Variants in WDFY4 observed in about 807,000 individuals in gnomAD.
The protein encoded by WDFY4 is WD repeat- and FYVE domain-containing protein 4.
A neutral mutation model predicts 351.9 loss-of-function variants in WDFY4; 169 were observed. That is an observed-to-expected ratio of 0.48 (90% confidence interval 0.42 to 0.55). The LOEUF (loss-of-function observed/expected upper bound fraction) is 0.55. WDFY4 is among the 20% of genes least tolerant of loss of function. The pLI is 0.00. For missense variants in WDFY4, 3,803 were observed against 3,935.6 expected (o/e 0.97, Z 0.90); for synonymous variants, 1,622 against 1,574.6 (o/e 1.03, Z -0.71).
chr10:48,847,102 G>A (rs1027824303), intron 39 of WDFY4, among the ~76,000 whole-genome samples: 1 of 152,108 alleles, frequency 6.6e-6, no homozygotes, highest in Admixed American at 6.6e-5. Context: ...TTATTGTCTC[G>A]CAGTCCCGGA....
chr10:48,801,836 T>G (rs1319890070), intron 24 of WDFY4, among the ~76,000 whole-genome samples: 3 of 152,198 alleles, frequency 2.0e-5, no homozygotes, highest in African/African-American at 7.2e-5. Flanking sequence ...GGGGTTCTTT[T>G]GCATTTCCTC....
intron 40 of WDFY4, among the ~76,000 whole-genome samples, chr10:48,867,769 G>T (rs2069604304): frequency 6.6e-6 from 1 of 152,188 alleles, no homozygotes; most frequent in South Asian, 2.1e-4. Flanking sequence ...GAATAGCTAA[G>T]AAGTTTATTT....
Position 48,875,130 on chromosome 10 carries a change from T to G in WDFY4, c.6990T>G (p.Ala2330=). The G allele has an allele frequency of 6.7e-7, 1 of 1,486,176 alleles. No individual in the cohort carries two copies. The highest frequency in any genetic ancestry group is 9.0e-7 in the Non-Finnish European group (1 of 1,115,268). 92.1% of individuals were successfully genotyped at this position (1,486,176 alleles called of 1,614,324 possible). A position where few individuals can be genotyped will look rare whatever the true frequency, so the allele number is the denominator to read the frequency against. The stretch of plus-strand genomic sequence containing the variant: ...ATGATCATATTTCTCAAACAAATGC[T>G]GAAAACCAAGGTATTCAGTTTATCT... ...DKNDHISQTN[A]ENQDELTLRE... is the part of the protein sequence containing the mutation. Residue 2330 remains alanine (A), a synonymous_variant, in exon 42 of 62, where the codon GCT becomes GCG. Coordinates refer to ENST00000325239, the MANE Select transcript of WDFY4 (RefSeq NM_001394531.1).
At chr10:48,686,455 T>A (rs1231288062) in intron 1 of WDFY4, among the ~76,000 whole-genome samples, 2 of 152,210 alleles carry the variant, frequency 1.3e-5, no homozygotes, top group East Asian at 3.8e-4. Flanking sequence ...GAGGTCCTCT[T>A]CATGCCCATC....
At chr10:48,787,871 C>CCTCT (rs1565198025) in intron 20 of WDFY4, among the ~76,000 whole-genome samples, 3 of 105,458 alleles carry the variant, frequency 2.8e-5, no homozygotes, top group Admixed American at 9.1e-5. Flanking sequence ...CTTCTTCTTT[C>CCTCT]TTCTTTCTTT....
Position 48,777,435 on chromosome 10 carries a change from A to C in WDFY4, c.3115A>C (p.Thr1039Pro), listed in dbSNP as rs2066070334. ...TATTTCCAGCTGTTTGTTTATTCCA[A>C]CCCTGTCCACAGTTATGGGAACCAG... Reference protein sequence around the residue: ...VEGYGCLFIPTLSTVMGTSTE... With the variant: ...VEGYGCLFIPPLSTVMGTSTE... Residue 1039 changes from threonine to proline, a missense_variant, in exon 17 of 62, where the codon ACC becomes CCC. By Grantham distance (38) the Thr-to-Pro change is conservative (BLOSUM62 -1). Coordinates refer to ENST00000325239, the MANE Select transcript of WDFY4 (RefSeq NM_001394531.1). The C allele has an allele frequency of 2.6e-6, 4 of 1,551,544 alleles. No homozygotes were observed. Among genetic ancestry groups the C allele is most frequent in the Admixed American group, 2.0e-5 (1 of 50,986 alleles).
At chr10:48,901,716 T>TCCTG (rs1362615417) in intron 46 of WDFY4, 85 bp from the exon 47 acceptor site, 2 of 1,436,046 alleles carry the variant, frequency 1.4e-6, no homozygotes. Flanking sequence ...GAGCCTAGCT[T>TCCTG]CCTGCCTGAC....
At chr10:48,727,305 T>G (rs964977122) in intron 6 of WDFY4, among the ~76,000 whole-genome samples, 165 bp from the exon 7 acceptor site, 1 of 152,220 alleles carries the variant, frequency 6.6e-6, no homozygotes, top group Admixed American at 6.5e-5. Context: ...GGATGGCACT[T>G]TCTCTGGGGT....
At position 48,725,419 on chromosome 10, in the gene WDFY4, A is replaced by G. The variant is rs527891637; in HGVS notation, c.592-462A>G. Reference sequence around the variant, plus strand: ...AAGTCCCTCTGTTAGCCATCAGGAAAGGGGATTGGCGGGAACAAGGAACCC... The same window carrying G: ...AAGTCCCTCTGTTAGCCATCAGGAAGGGGGATTGGCGGGAACAAGGAACCC... On this transcript the variant is annotated intron_variant, in intron 5 of 61. Transcript: ENST00000325239. Among the ~76,000 whole-genome samples the G allele has an allele frequency of 2.6e-5, 4 of 152,328 alleles. No homozygotes were observed. In the East Asian group the frequency reaches 7.7e-4, roughly 29 times the overall value.
chr10:48,750,637 T>C (rs559062349), intron 12 of WDFY4, among the ~76,000 whole-genome samples: 1 of 152,370 alleles, frequency 6.6e-6, no homozygotes, highest in South Asian at 2.1e-4. Context: ...TGATTAATTG[T>C]GTAATCTTCC....
intron 39 of WDFY4, among the ~76,000 whole-genome samples, chr10:48,863,253 A>G (rs560986076): frequency 6.6e-6 from 1 of 152,344 alleles, no homozygotes; most frequent in South Asian, 2.1e-4. Flanking sequence ...TTATTTAATC[A>G]TTTGAATAAC....
At chr10:48,755,262 C>A (rs1045558493) in intron 12 of WDFY4, among the ~76,000 whole-genome samples, 1 of 152,148 alleles carries the variant, frequency 6.6e-6, no homozygotes, top group African/African-American at 2.4e-5. Context: ...TCATACATTT[C>A]TGTTGCTGAG....
chr10:48,914,234 T>C (rs1838290450), intron 47 of WDFY4: 1 of 1,458,714 alleles, frequency 6.9e-7, no homozygotes, highest in Non-Finnish European at 9.2e-7. Flanking sequence ...CATGAAAAAC[T>C]GCTGAAAGAT....
chr10:48,719,725 G>C (rs531326068), intron 2 of WDFY4, among the ~76,000 whole-genome samples: 1 of 152,170 alleles, frequency 6.6e-6, no homozygotes, highest in South Asian at 2.1e-4. Flanking sequence ...ATCCACCGAC[G>C]CCAGATGCAG....
At chr10:48,949,300 C>A (rs905761214) in intron 51 of WDFY4, among the ~76,000 whole-genome samples, 1 of 152,172 alleles carries the variant, frequency 6.6e-6, no homozygotes, top group Non-Finnish European at 1.5e-5. Flanking sequence ...AGCCTTTGAA[C>A]CAGCAAAAGA....
chr10:48,746,020 TCGCAGCGCA>T (rs1178541568), intron 12 of WDFY4: 1 of 170,876 alleles, frequency 5.9e-6, no homozygotes, highest in Non-Finnish European at 1.3e-5. Flanking sequence ...GTTGACACTC[TCGCAGCGCA>T]CCACCACCTT....
At chr10:48,710,259 C>T (rs564996053) in intron 2 of WDFY4, among the ~76,000 whole-genome samples, 1 of 152,320 alleles carries the variant, frequency 6.6e-6, no homozygotes, top group African/African-American at 2.4e-5. Context: ...GCCTTCTTGC[C>T]ATGGCCTTAT....
intron 47 of WDFY4, among the ~76,000 whole-genome samples, chr10:48,907,590 C>T (rs1837683204): frequency 6.6e-6 from 1 of 152,078 alleles, no homozygotes; most frequent in Non-Finnish European, 1.5e-5. Context: ...CCATAAGAAC[C>T]TATGCGATTC....
intron 39 of WDFY4, among the ~76,000 whole-genome samples, chr10:48,849,386 G>T (rs2133165186): frequency 6.6e-6 from 1 of 152,314 alleles, no homozygotes. Context: ...CCACCATTTT[G>T]TACATCAATC....
Sources: gnomAD v4.1 joint callset for allele counts (sites outside exome capture counted in the v4.1 genomes callset) on GRCh38, gnomAD v4.1.1 for gene constraint, MANE v1.5 for transcripts, NCBI Gene and HGNC (gene_info 2026-07-23, HGNC 2026-07-21) for gene names.